Variants in MAP4K3 observed in about 807,000 individuals in gnomAD.
MAP4K3 encodes MAPK/ERK kinase kinase kinase 3.
Under a neutral mutation model 143.5 loss-of-function variants are expected in MAP4K3, and 94 were observed. The ratio of observed to expected loss-of-function variants is 0.65; its 90% CI spans 0.55 to 0.78. MAP4K3 has a LOEUF of 0.78. Ranked by LOEUF, MAP4K3 falls within the 30% of genes least tolerant of loss-of-function variation. MAP4K3 has a pLI of 0.00. For missense variants in MAP4K3, 1,077 were observed against 1,068.1 expected, an observed-to-expected ratio of 1.01 and a Z score of -0.12; for synonymous variants, 416 against 347.2, an observed-to-expected ratio of 1.20 and a Z score of -2.20.
chr2:39,341,219 A>C (rs1322446167), intron 4 of MAP4K3, among the ~76,000 whole-genome samples: 1 of 152,206 alleles, frequency 6.6e-6, no homozygotes, highest in East Asian at 1.9e-4. Context: ...ATAACCATAG[A>C]AGCTAAAAGA....
chr2:39,295,602 C>A (rs140267596), intron 16 of MAP4K3, among the ~76,000 whole-genome samples: 1 of 151,372 alleles, frequency 6.6e-6, no homozygotes, highest in Non-Finnish European at 1.5e-5. Flanking sequence ...AAGCACATGA[C>A]AATCTTTTTT....
intron 15 of MAP4K3, among the ~76,000 whole-genome samples, chr2:39,302,894 T>C (rs1682562317): frequency 6.6e-6 from 1 of 152,194 alleles, no homozygotes; most frequent in Non-Finnish European, 1.5e-5. Context: ...AGCAGTTCAT[T>C]TTAGCGAATG....
At chr2:39,365,224 A>T (rs971796562) in intron 2 of MAP4K3, among the ~76,000 whole-genome samples, 12 of 152,066 alleles carry the variant, frequency 7.9e-5, no homozygotes, top group South Asian at 2.1e-4. Context: ...TAGTCTTAAG[A>T]TCTCTATTTA....
Position 39,331,946 on chromosome 2 carries a change from T to C in MAP4K3, c.501A>G (p.Lys167=), listed in dbSNP as rs1466918288. 1 of 1,571,510 alleles carries C rather than the reference T, an allele frequency of 6.4e-7. No individual in the cohort carries two copies. The highest frequency in any genetic ancestry group is 8.7e-7 in the Non-Finnish European group (1 of 1,152,608). Residue 167 remains lysine (K), a synonymous_variant, in exon 8 of 34, where the codon AAA becomes AAG. Transcript: ENST00000263881. The part of the protein sequence containing the change: ...VSAQITATIA[K]RKSFIGTPYW... The stretch of plus-strand genomic sequence containing the variant: ...ATGGTGTGCCAATGAAAGACTTCCG[T>C]TTGGCAATTGTAGCTGTTATCTGTG...
intron 4 of MAP4K3, among the ~76,000 whole-genome samples, chr2:39,341,423 C>G (rs1665136637): frequency 6.6e-6 from 1 of 152,014 alleles, no homozygotes; most frequent in African/African-American, 2.4e-5. Flanking sequence ...CTTTGGGAAG[C>G]TGAGGTGGGC....
chr2:39,363,656 G>A (rs927034258), intron 2 of MAP4K3, among the ~76,000 whole-genome samples: 1 of 123,972 alleles, frequency 8.1e-6, no homozygotes. Context: ...GCAATAGAGT[G>A]AGACTCTGTC....
chr2:39,361,831 C>G (rs1279291419), intron 2 of MAP4K3, among the ~76,000 whole-genome samples: 2 of 151,836 alleles, frequency 1.3e-5, no homozygotes, highest in African/African-American at 2.4e-5. Flanking sequence ...ATAATGACAT[C>G]TGTCAAGATG....
Position 39,356,316 on chromosome 2 carries a change from G to A in MAP4K3, c.178C>T (p.Gln60Ter). 1.9e-6 allele frequency: 3 copies of A among 1,599,124 alleles called. No homozygotes were observed. Among genetic ancestry groups the A allele is most frequent in the Non-Finnish European group, 2.6e-6 (3 of 1,172,268 alleles). ...EPGEDFAVVQ[Q>*]EIIMMKDCKH... ...CAGTCTTTCATCATAATAATTTCTT[G>A]CTGCACAACTGCAAAGTCTTCTCCT... The change falls in exon 3 of 34, where the codon CAA becomes TAA. Residue 60 changes from glutamine (Q) to a stop codon, truncating the protein, a stop_gained. Coordinates refer to ENST00000263881, the MANE Select transcript of MAP4K3 (RefSeq NM_003618.4). LOFTEE classifies it high-confidence loss of function.
At chr2:39,367,602 T>TA (rs537771261) in intron 2 of MAP4K3, among the ~76,000 whole-genome samples, 7 of 149,778 alleles carry the variant, frequency 4.7e-5, no homozygotes, top group Non-Finnish European at 7.4e-5. Context: ...CCTGGCTCCC[T>TA]AAAAAAAAAG....
chr2:39,289,115 T>C (rs992379443), intron 19 of MAP4K3, among the ~76,000 whole-genome samples: 6 of 152,292 alleles, frequency 3.9e-5, no homozygotes, highest in Admixed American at 3.9e-4. Context: ...CATAGCAATA[T>C]GGGATGCCTG....
intron 8 of MAP4K3, among the ~76,000 whole-genome samples, chr2:39,328,803 G>A (rs9309036): frequency 0.68 from 104,041 of 152,096 alleles, 39,432 homozygotes; most frequent in Non-Finnish European, 0.84. Flanking sequence ...ACTCTAGTAA[G>A]TGATCTACTC....
intron 27 of MAP4K3, among the ~76,000 whole-genome samples, chr2:39,266,493 T>C (rs757098662): frequency 2.6e-5 from 4 of 152,220 alleles, no homozygotes; most frequent in Admixed American, 2.6e-4. Flanking sequence ...GTAACCTTTA[T>C]GATTTTTTTT....
intron 27 of MAP4K3, 97 bp downstream of exon 27, chr2:39,267,092 A>T: frequency 8.6e-7 from 1 of 1,160,182 alleles, no homozygotes; most frequent in Non-Finnish European, 1.3e-6. Context: ...CAGGAAAAAT[A>T]AAGTATTGCT....
chr2:39,293,198 T>C (rs148066075), intron 17 of MAP4K3, 32 bp downstream of exon 17: 12 of 1,454,056 alleles, frequency 8.3e-6, no homozygotes, highest in South Asian at 3.8e-5. Flanking sequence ...GTCTGTGACA[T>C]AAAGTACTTT....
rs575032976 is a variant in MAP4K3, at chr2:39,362,558, A to T, written c.155-6219T>A. On this transcript the variant is annotated intron_variant, in intron 2 of 33. Coordinates refer to ENST00000263881, the MANE Select transcript of MAP4K3 (RefSeq NM_003618.4). ...AAAATTACAAAACGTTTAATTAGAA[A>T]AATAAATGTAAAGACATGCCATGTT... Among the ~76,000 whole-genome samples the T allele has an allele frequency of 9.4e-4, 143 of 152,344 alleles. 1 individual carries two copies. The highest frequency in any genetic ancestry group is 3.1e-3 in the African/African-American group (128 of 41,598).
chr2:39,436,017 C>T (rs1282221020), intron 1 of MAP4K3, among the ~76,000 whole-genome samples: 1 of 152,224 alleles, frequency 6.6e-6, no homozygotes, highest in Non-Finnish European at 1.5e-5. Context: ...AGGAGTTCAA[C>T]TTCAGTTACC....
Position 39,258,575 on chromosome 2 carries a change from G to A in MAP4K3, c.2321C>T (p.Thr774Ile), listed in dbSNP as rs1399480625. The A allele has an allele frequency of 2.5e-6, 4 of 1,612,946 alleles. No individual in the cohort carries two copies. In the South Asian group the frequency reaches 3.3e-5, roughly 13 times the overall value. Residue 774 changes from threonine (T) to isoleucine (I), a missense_variant, in exon 30 of 34, where the codon ACA (threonine) becomes ATA (isoleucine). By Grantham distance (89) the Thr-to-Ile change is moderately conservative. Coordinates refer to ENST00000263881, the MANE Select transcript of MAP4K3 (RefSeq NM_003618.4). ...CAGTTGGGTTACATGAGTAACATTT[G>A]TCTGTGGGGTATCTACAATACAAAC... is the stretch of plus-strand genomic sequence containing the variant. ...SWFTESDTPQ[T>I]NVTHVTQLER... is the part of the protein sequence containing the mutation.
At chr2:39,271,334 C>CTAAA (rs1357217262) in intron 26 of MAP4K3, among the ~76,000 whole-genome samples, 2 of 151,912 alleles carry the variant, frequency 1.3e-5, no homozygotes, top group Non-Finnish European at 2.9e-5. Flanking sequence ...AGCAAATAAG[C>CTAAA]TAAAAAGGTC....
At chr2:39,333,902 G>A (rs896594678) in intron 6 of MAP4K3, among the ~76,000 whole-genome samples, 7 of 151,212 alleles carry the variant, frequency 4.6e-5, no homozygotes, top group South Asian at 2.1e-4. Context: ...TAATGTAACC[G>A]TACAATGCAT....
Sources: gnomAD v4.1 joint callset for allele counts (sites outside exome capture counted in the v4.1 genomes callset) on GRCh38, gnomAD v4.1.1 for gene constraint, MANE v1.5 for transcripts, NCBI Gene and HGNC (gene_info 2026-07-23, HGNC 2026-07-21) for gene names.